The following INPP4B variants were observed in gnomAD, a reference collection of about 807,000 sequenced individuals.
INPP4B encodes inositol polyphosphate-4-phosphatase type II B, also known as inositol polyphosphate 4-phosphatase type II.
In INPP4B, 55 loss-of-function variants were observed where a neutral mutation model predicts 122.5. The ratio of observed to expected loss-of-function variants is 0.45; its 90% CI spans 0.36 to 0.56. The LOEUF is 0.56. Ranked by LOEUF, INPP4B falls within the 20% of genes least tolerant of loss-of-function variation. INPP4B has a pLI of 0.00. For missense variants in INPP4B, 1,000 were observed against 1,097.7 expected (o/e 0.91, Z 1.26); for synonymous variants, 403 against 388.7 (o/e 1.04, Z -0.43).
chr4:142,091,380 C>T (rs1324594426), intron 23 of INPP4B, among the ~76,000 whole-genome samples: 1 of 152,104 alleles, frequency 6.6e-6, no homozygotes, highest in African/African-American at 2.4e-5. Context: ...GGCAAGAATC[C>T]GGTCATGCGT....
At chr4:142,051,677 T>G (rs1754689253) in intron 25 of INPP4B, among the ~76,000 whole-genome samples, 2 of 152,010 alleles carry the variant, frequency 1.3e-5, no homozygotes, top group African/African-American at 4.8e-5. Context: ...TAAAAGACAT[T>G]TAAAGCCACC....
At chr4:142,368,605 A>C (rs992958880) in intron 7 of INPP4B, among the ~76,000 whole-genome samples, 8 of 152,150 alleles carry the variant, frequency 5.3e-5, no homozygotes, top group African/African-American at 1.9e-4. Flanking sequence ...TTAAGGAGGC[A>C]GGCAAGGAAA....
intron 9 of INPP4B, among the ~76,000 whole-genome samples, chr4:142,283,185 G>C (rs767580954): frequency 1.3e-5 from 2 of 152,030 alleles, no homozygotes; most frequent in Non-Finnish European, 2.9e-5. Flanking sequence ...ATGAGAAAGA[G>C]GAATCAGAGA....
At position 142,285,242 on chromosome 4, in the gene INPP4B, T is replaced by C. The variant is rs140388304; in HGVS notation, c.504-14468A>G. Among the ~76,000 whole-genome samples, 78 of 151,958 alleles carry C rather than the reference T, an allele frequency of 5.1e-4. 1 individual carries two copies. The highest frequency in any genetic ancestry group is 6.8e-3 in the Middle Eastern group (2 of 294). On this transcript the variant is annotated intron_variant, in intron 9 of 25. Transcript: ENST00000262992. ...GGGCAGAGAAAAGCCTGAGAGGCCA[T>C]TGAGCTAAGAAAAGGGCACCCCTGT...
chr4:142,316,538 TACTC>T (rs1020984527), intron 7 of INPP4B, among the ~76,000 whole-genome samples: 9 of 152,172 alleles, frequency 5.9e-5, no homozygotes, highest in Non-Finnish European at 1.0e-4. Flanking sequence ...ATATAATGAA[TACTC>T]ACAACATGCA....
chr4:142,200,197 G>T (rs1014193568), intron 14 of INPP4B, among the ~76,000 whole-genome samples: 4 of 151,746 alleles, frequency 2.6e-5, no homozygotes, highest in Non-Finnish European at 4.4e-5. Flanking sequence ...TGCTGTTCAG[G>T]TTGTGCCAAC....
intron 1 of INPP4B, among the ~76,000 whole-genome samples, chr4:142,787,164 GT>G (rs1186961699): frequency 6.6e-6 from 1 of 152,106 alleles, no homozygotes; most frequent in East Asian, 1.9e-4. Context: ...TAAAATAAAT[GT>G]CAGGTTCAGG....
intron 16 of INPP4B, among the ~76,000 whole-genome samples, chr4:142,170,158 CT>C (rs1009358672): frequency 1.3e-5 from 2 of 151,408 alleles, no homozygotes; most frequent in African/African-American, 4.8e-5. Flanking sequence ...TTTGGTCTAT[CT>C]TTTGCCTTTT....
chr4:142,526,797 A>G (rs922058763), intron 2 of INPP4B, among the ~76,000 whole-genome samples: 8 of 152,110 alleles, frequency 5.3e-5, no homozygotes, highest in Non-Finnish European at 1.2e-4. Flanking sequence ...TACATGTGAA[A>G]CAAAATCTAT....
chr4:142,120,933 A>G (rs2152745296), intron 21 of INPP4B, among the ~76,000 whole-genome samples: 1 of 152,204 alleles, frequency 6.6e-6, no homozygotes, highest in Admixed American at 6.6e-5. Flanking sequence ...TGCTCACTTC[A>G]TCATTCTAGG....
At chr4:142,231,927 A>G (rs1018920804) in intron 12 of INPP4B, among the ~76,000 whole-genome samples, 3 of 152,194 alleles carry the variant, frequency 2.0e-5, no homozygotes, top group African/African-American at 4.8e-5. Flanking sequence ...GACTATGGTT[A>G]CAAATTCATC....
At chr4:142,097,232 T>TTTATTTTATA (rs1782277843) in intron 23 of INPP4B, among the ~76,000 whole-genome samples, 1 of 144,492 alleles carries the variant, frequency 6.9e-6, no homozygotes, top group Non-Finnish European at 1.5e-5. Context: ...TTATTTTTAT[T>TTTATTTTATA]TTATTTTATT....
intron 7 of INPP4B, among the ~76,000 whole-genome samples, chr4:142,319,608 T>C (rs1769224424): frequency 6.6e-6 from 1 of 152,152 alleles, no homozygotes; most frequent in Non-Finnish European, 1.5e-5. Flanking sequence ...TTCTCACCAA[T>C]GAAATGTACA....
intron 11 of INPP4B, among the ~76,000 whole-genome samples, chr4:142,256,039 G>C (rs992266087): frequency 6.6e-6 from 1 of 150,838 alleles, no homozygotes; most frequent in African/African-American, 2.4e-5. Context: ...TAGAACTCAG[G>C]ATTAAGAATC....
At chr4:142,560,440 T>C (rs1730205017) in intron 2 of INPP4B, 1 of 152,170 alleles carries the variant, frequency 6.6e-6, no homozygotes, top group South Asian at 2.1e-4. Flanking sequence ...GGGAGTTTAT[T>C]AGGAGAATTG....
chr4:142,742,925 C>T (rs894822378), intron 1 of INPP4B, among the ~76,000 whole-genome samples: 13 of 151,840 alleles, frequency 8.6e-5, no homozygotes, highest in South Asian at 2.1e-4. Flanking sequence ...ACGAGAGAGA[C>T]GAATTAACTT....
chr4:142,517,584 AAT>A (rs138200296), intron 2 of INPP4B, among the ~76,000 whole-genome samples: 4,002 of 152,264 alleles, frequency 0.026, 123 homozygotes, highest in Admixed American at 0.068. Context: ...GCATCTTATG[AAT>A]ATGTCTTAGC....
chr4:142,619,999 G>A (rs1411908066), intron 2 of INPP4B, among the ~76,000 whole-genome samples: 2 of 151,892 alleles, frequency 1.3e-5, no homozygotes, highest in African/African-American at 2.4e-5. Flanking sequence ...TAAAGATGAA[G>A]AAACTGGGTT....
chr4:142,553,955 C>A (rs2150087843), intron 2 of INPP4B, among the ~76,000 whole-genome samples: 1 of 152,192 alleles, frequency 6.6e-6, no homozygotes. Context: ...CTTTGGGAGG[C>A]CGAAGTGGGC....
Sources: gnomAD v4.1 joint callset for allele counts (sites outside exome capture counted in the v4.1 genomes callset) on GRCh38, gnomAD v4.1.1 for gene constraint, MANE v1.5 for transcripts, NCBI Gene and HGNC (gene_info 2026-07-23, HGNC 2026-07-21) for gene names.